Variants in ACSBG2 observed in about 807,000 individuals in gnomAD.
ACSBG2 encodes acyl-CoA synthetase bubblegum family member 2, also known as long-chain-fatty-acid--CoA ligase ACSBG2.
A neutral mutation model predicts 74.7 loss-of-function variants in ACSBG2; 62 were observed. The ratio of observed to expected loss-of-function variants is 0.83; its 90% confidence interval spans 0.68 to 1.03. ACSBG2 has a LOEUF of 1.03. ACSBG2 is among the 50% of genes least tolerant of loss of function. The pLI is 0.00. For missense variants in ACSBG2, 730 were observed against 817.6 expected (o/e 0.89, Z 1.31); for synonymous variants, 309 against 294.1 (o/e 1.05, Z -0.52).
chr19:6,170,805 T>C (rs763060817), intron 7 of ACSBG2, among the ~76,000 whole-genome samples: 5 of 152,132 alleles, frequency 3.3e-5, no homozygotes, highest in Admixed American at 2.0e-4. Context: ...ATTTTCTGCC[T>C]CAATGTTCTG....
intron 4 of ACSBG2, among the ~76,000 whole-genome samples, chr19:6,153,878 GA>G (rs372080221): frequency 1.5e-4 from 3 of 20,254 alleles, no homozygotes; most frequent in African/African-American, 3.6e-4. Flanking sequence ...GAAAAGAAAA[GA>G]AAAGGAAAAG....
intron 6 of ACSBG2, among the ~76,000 whole-genome samples, chr19:6,164,753 C>T (rs937482082): frequency 6.6e-6 from 1 of 152,114 alleles, no homozygotes; most frequent in Non-Finnish European, 1.5e-5. Context: ...TTTAAGTCAG[C>T]GCATCACCCT....
At chr19:6,148,894 G>A (rs1433799856) in intron 3 of ACSBG2, among the ~76,000 whole-genome samples, 2 of 152,034 alleles carry the variant, frequency 1.3e-5, no homozygotes, top group East Asian at 3.9e-4. Context: ...AGGTCAAGAG[G>A]TCAAGAGTTT....
chr19:6,161,274 G>A lies in ACSBG2; in HGVS notation c.567G>A (p.Lys189=), dbSNP rs760864167. Reference sequence around the variant, plus strand: ...TCATCCAGTACAGACTGCCAATGAAGAAGAACAACAACTTGTACTCTGTAA... The same window carrying A: ...TCATCCAGTACAGACTGCCAATGAAAAAGAACAACAACTTGTACTCTGTAA... ...KAIIQYRLPM[K]KNNNLYSWDD... The change falls in exon 6 of 15, where the codon AAG becomes AAA. Residue 189 remains lysine (K), a synonymous_variant. Transcript: ENST00000588485. The A allele has an allele frequency of 4.3e-6, 7 of 1,612,726 alleles. No individual in the cohort carries two copies. The East Asian group carries it at 1.1e-4, about 26-fold the overall frequency.
intron 5 of ACSBG2, among the ~76,000 whole-genome samples, chr19:6,159,439 CCT>C (rs1405189330): frequency 6.6e-6 from 1 of 152,132 alleles, no homozygotes; most frequent in East Asian, 1.9e-4. Context: ...ACAACCTTCC[CCT>C]CTACACCCAC....
chr19:6,171,661 A>G (rs369270559), intron 7 of ACSBG2, among the ~76,000 whole-genome samples: 35 of 151,658 alleles, frequency 2.3e-4, no homozygotes, highest in African/African-American at 8.5e-4. Context: ...TTTTTTCTAC[A>G]TTGACCTTGG....
chr19:6,186,079 A>G (rs983116307), intron 11 of ACSBG2, among the ~76,000 whole-genome samples: 1 of 151,654 alleles, frequency 6.6e-6, no homozygotes, highest in Non-Finnish European at 1.5e-5. Flanking sequence ...TTTTAACTCA[A>G]ACTCATTCAA....
At position 6,167,158 on chromosome 19, in the gene ACSBG2, T is replaced by C. The variant is rs77753612; in HGVS notation, c.738+1143T>C. Among the ~76,000 whole-genome samples, 1,237 of 152,308 alleles carry C rather than the reference T, an allele frequency of 8.1e-3. 9 individuals carry two copies. The highest frequency in any genetic ancestry group is 0.012 in the East Asian group (60 of 5,190). ...AAGAATTTCTATAAAAGCATTCTTA[T>C]AAATGCTTCCCTGCCCCCCCTCAGC... On this transcript the variant is annotated intron_variant, in intron 7 of 14. Transcript: ENST00000588485.
chr19:6,151,796 G>T lies in ACSBG2; in HGVS notation c.386+1G>T. The T allele has an allele frequency of 6.3e-7, 1 of 1,587,944 alleles. No homozygotes were observed. The highest frequency in any genetic ancestry group is 8.6e-7 in the Non-Finnish European group (1 of 1,166,466). On this transcript the variant is annotated splice_donor_variant, in intron 4 of 14. Transcript: ENST00000588485. LOFTEE classifies it high-confidence loss of function. ...CTGCTGTTGGTGCCATCCTAGCCGG[G>T]TAAGGTCATTGGCTTGGTTCATGGT...
chr19:6,188,623 G>A (rs2090470826), intron 13 of ACSBG2, among the ~76,000 whole-genome samples: 1 of 152,154 alleles, frequency 6.6e-6, no homozygotes, highest in Non-Finnish European at 1.5e-5. Context: ...GTGAGACCCT[G>A]TCTCAAAAAC....
intron 1 of ACSBG2, among the ~76,000 whole-genome samples, chr19:6,139,381 G>A (rs971939492): frequency 1.6e-4 from 24 of 152,074 alleles, no homozygotes; most frequent in Admixed American, 5.2e-4. Context: ...GTGAGCCACC[G>A]CACCTGGCCT....
chr19:6,140,231 A>G (rs1230593591), intron 1 of ACSBG2, among the ~76,000 whole-genome samples: 1 of 150,954 alleles, frequency 6.6e-6, no homozygotes, highest in Non-Finnish European at 1.5e-5. Flanking sequence ...TCTCAAAAAA[A>G]AAAAAAAAGG....
intron 13 of ACSBG2, chr19:6,190,214 G>A (rs111500942): frequency 0.032 from 6,629 of 207,414 alleles, 244 homozygotes; most frequent in African/African-American, 0.1. Flanking sequence ...TGATTCTGCC[G>A]TGCACTTGCT....
chr19:6,166,875 G>A (rs911256809), intron 7 of ACSBG2, among the ~76,000 whole-genome samples: 7 of 152,164 alleles, frequency 4.6e-5, no homozygotes, highest in Non-Finnish European at 1.0e-4. Flanking sequence ...CTGACCTCAA[G>A]TGATCTGCCT....
In ACSBG2 at chr19:6,182,921, A is replaced by G; in HGVS notation, c.1077A>G (p.Lys359=). ...ARNIGFKVNS[K]KMLGKYNTPV... Reference sequence around the variant, plus strand: ...ACATTGGCTTCAAGGTCAACTCAAAAAAGATGTTGGGGTAGGTGGAGCATC... The same window carrying G: ...ACATTGGCTTCAAGGTCAACTCAAAGAAGATGTTGGGGTAGGTGGAGCATC... Residue 359 remains lysine, a synonymous_variant, in exon 9 of 15, where the codon AAA becomes AAG. Transcript: ENST00000588485. The G allele has an allele frequency of 6.2e-7, 1 of 1,614,138 alleles. No homozygotes were observed. Among genetic ancestry groups the G allele is most frequent in the Non-Finnish European group, 8.5e-7 (1 of 1,179,998 alleles).
chr19:6,139,254 A>AT (rs564260024), intron 1 of ACSBG2, among the ~76,000 whole-genome samples: 5 of 151,622 alleles, frequency 3.3e-5, no homozygotes, highest in Admixed American at 1.3e-4. Flanking sequence ...TGCCTGGCTA[A>AT]TTTTTTTTGT....
intron 7 of ACSBG2, among the ~76,000 whole-genome samples, chr19:6,169,980 T>C (rs984898202): frequency 6.6e-6 from 1 of 152,182 alleles, no homozygotes; most frequent in Non-Finnish European, 1.5e-5. Context: ...TTTGGAGGAA[T>C]CTTTAGGGTT....
rs760614538 is a variant in ACSBG2, at chr19:6,182,944, A to G, written c.1088+12A>G. ...AAAAAGATGTTGGGGTAGGTGGAGC[A>G]TCCAGAGGGCTGGGAGGGTAGTTGG... On this transcript the variant is annotated intron_variant, in intron 9 of 14. Coordinates refer to ENST00000588485, the MANE Select transcript of ACSBG2 (RefSeq NM_030924.5). The G allele has an allele frequency of 6.2e-7, 1 of 1,613,764 alleles. No individual in the cohort carries two copies. Among genetic ancestry groups the G allele is most frequent in the Admixed American group, 1.7e-5 (1 of 60,006 alleles).
intron 6 of ACSBG2, among the ~76,000 whole-genome samples, chr19:6,162,265 A>G (rs1313336987): frequency 3.3e-5 from 1 of 30,554 alleles, no homozygotes; most frequent in Non-Finnish European, 9.0e-5. Context: ...ACTCTGTCTC[A>G]AAAAAAAAAA....
Sources: allele counts gnomAD v4.1 joint callset (sites outside exome capture counted in the v4.1 genomes callset), GRCh38; gene constraint gnomAD v4.1.1; transcripts MANE v1.5; gene names NCBI Gene and HGNC (gene_info 2026-07-23, HGNC 2026-07-21).